DAGLB: variants seen among roughly 807,000 people sequenced by gnomAD.
DAGLB encodes the protein diacylglycerol lipase beta.
DAGLB carries 66 observed loss-of-function variants against 72.1 expected under a neutral mutation model. The observed-to-expected ratio is 0.92, with a 90% CI of 0.75 to 1.12. The LOEUF is 1.12. Ranked by LOEUF, DAGLB falls within the 50% of genes most tolerant of loss-of-function variation. The probability of loss-of-function intolerance (pLI) is 0.00; values close to 1 mark genes in which losing one functional copy is unlikely to be tolerated. For synonymous variants in DAGLB, 414 were observed against 359.5 expected (o/e 1.15, Z -1.71); for missense variants, 1,065 against 884.9 (o/e 1.20, Z -2.58).
At chr7:6,412,709 T>C (rs774218899) in intron 13 of DAGLB, 102 bp downstream of exon 13, 119 of 1,307,786 alleles carry the variant, frequency 9.1e-5, no homozygotes, top group Admixed American at 3.2e-4. Context: ...AGCAACAGCA[T>C]AGAGTGCCCT....
chr7:6,435,378 G>A (rs111557594), intron 3 of DAGLB: 34 of 207,140 alleles, frequency 1.6e-4, no homozygotes, highest in African/African-American at 5.9e-4. Context: ...CCCAGCTTCT[G>A]AGGAGGCTGA....
At chr7:6,414,758 T>C (rs1783847395) in intron 11 of DAGLB, among the ~76,000 whole-genome samples, 1 of 152,140 alleles carries the variant, frequency 6.6e-6, no homozygotes, top group Non-Finnish European at 1.5e-5. Flanking sequence ...AGAAATACCA[T>C]TTCCTGCTAA....
At position 6,424,821 on chromosome 7, in the gene DAGLB, C is replaced by T. The variant is rs377524400; in HGVS notation, c.1071G>A (p.Pro357=). The change falls in exon 8 of 15, where the codon CCG becomes CCA. Residue 357 remains proline (P), a synonymous_variant. Coordinates refer to ENST00000297056, the MANE Select transcript of DAGLB (RefSeq NM_139179.4). ...VSFHDKVYEL[P]FLVALDHRKE... ...TCCTGTGATCCAGAGCCACTAAAAA[C>T]GGCAGCTCGTAAACCTGCAGGAGCA... 237 of 1,613,630 alleles carry T rather than the reference C, an allele frequency of 1.5e-4. No individual in the cohort carries two copies. The highest frequency in any genetic ancestry group is 1.9e-4 in the Non-Finnish European group (223 of 1,179,758).
chr7:6,412,916 C>A (rs771501898), intron 12 of DAGLB, 33 bp from the exon 13 acceptor site: 3 of 1,612,440 alleles, frequency 1.9e-6, no homozygotes, highest in Admixed American at 1.7e-5. Context: ...GAGGCTGGGA[C>A]CTGGCACTCC....
At chr7:6,442,370 T>A (rs543325735) in intron 2 of DAGLB, among the ~76,000 whole-genome samples, 15 of 150,502 alleles carry the variant, frequency 1.0e-4, no homozygotes, top group African/African-American at 3.7e-4. Context: ...GGGAACGGAG[T>A]GAATATGAGC....
At chr7:6,437,842 A>C (rs1784712622) in intron 2 of DAGLB, among the ~76,000 whole-genome samples, 1 of 152,014 alleles carries the variant, frequency 6.6e-6, no homozygotes, top group Non-Finnish European at 1.5e-5. Context: ...GGGTTTCACC[A>C]TGTTGGCCAG....
intron 2 of DAGLB, among the ~76,000 whole-genome samples, chr7:6,444,589 G>A (rs1195423570): frequency 2.0e-5 from 3 of 152,052 alleles, no homozygotes; most frequent in Non-Finnish European, 2.9e-5. Flanking sequence ...GCAGCGGAGG[G>A]AGACTCTATC....
chr7:6,417,291 G>A (rs1222684420), intron 9 of DAGLB: 3 of 176,826 alleles, frequency 1.7e-5, no homozygotes, highest in African/African-American at 7.2e-5. Flanking sequence ...GGGGCTTGGT[G>A]GCGAGCGCCT....
rs574203995 is a variant in DAGLB at position 6,431,502 on chromosome 7, T to G, written c.802-895A>C. On this transcript the variant is annotated intron_variant, in intron 5 of 14. Coordinates refer to ENST00000297056, the MANE Select transcript of DAGLB (RefSeq NM_139179.4). ...ATATGATAAATGTGGCCGGATGCAG[T>G]GGCTCACGCCTGTAATCCCAGCACT... 1.7e-3 allele frequency among the ~76,000 whole-genome samples: 256 copies of G among 152,338 alleles called. 1 individual carries two copies. Among genetic ancestry groups the G allele is most frequent in the African/African-American group, 5.8e-3 (241 of 41,582 alleles).
intron 4 of DAGLB, among the ~76,000 whole-genome samples, chr7:6,433,614 C>A (rs1261013836): frequency 6.6e-6 from 1 of 152,072 alleles, no homozygotes; most frequent in Admixed American, 6.6e-5. Flanking sequence ...CCGAGGTGGG[C>A]GGATCACCTG....
intron 2 of DAGLB, among the ~76,000 whole-genome samples, chr7:6,438,349 A>G (rs973765700): frequency 7.2e-5 from 11 of 152,176 alleles, no homozygotes. Flanking sequence ...TTAAAGTATA[A>G]AAATAATTTT....
At chr7:6,432,537 G>A (rs113487958) in intron 5 of DAGLB, among the ~76,000 whole-genome samples, 19,206 of 151,418 alleles carry the variant, frequency 0.13, 1,340 homozygotes, top group Admixed American at 0.18. Flanking sequence ...GCAGGCGCCT[G>A]TAGTCCCAGC....
chr7:6,417,017 A>T, intron 9 of DAGLB, 96 bp from the exon 10 acceptor site: 2 of 1,380,620 alleles, frequency 1.4e-6, no homozygotes, highest in Non-Finnish European at 1.0e-6. Flanking sequence ...CTGATGTGTG[A>T]GTCTCTCCTG....
At chr7:6,426,919 C>A (rs1042193304) in intron 6 of DAGLB, among the ~76,000 whole-genome samples, 1 of 152,060 alleles carries the variant, frequency 6.6e-6, no homozygotes, top group Non-Finnish European at 1.5e-5. Flanking sequence ...ACCAGTCTGG[C>A]CAACGTGCTG....
chr7:6,436,913 G>A (rs199614562), intron 2 of DAGLB, among the ~76,000 whole-genome samples: 1 of 152,092 alleles, frequency 6.6e-6, no homozygotes, highest in East Asian at 1.9e-4. Context: ...TTGGGAGGAG[G>A]CCAAGGCAGG....
chr7:6,426,347 G>A (rs966967847), intron 6 of DAGLB, among the ~76,000 whole-genome samples: 15 of 152,186 alleles, frequency 9.9e-5, no homozygotes, highest in African/African-American at 3.1e-4. Context: ...TCAGGTCACC[G>A]CAACCTCCGC....
chr7:6,433,030 T>C lies in DAGLB; in HGVS notation c.679-71A>G, dbSNP rs2272155. 8 of 1,555,738 alleles carry C rather than the reference T, an allele frequency of 5.1e-6. No homozygotes were observed. In the East Asian group the frequency reaches 1.8e-4, roughly 35 times the overall value. On this transcript the variant is annotated intron_variant, in intron 4 of 14. Coordinates refer to ENST00000297056, the MANE Select transcript of DAGLB (RefSeq NM_139179.4). ...CACCCCCGGGTTCCCTAAAATCCAGTCTTCTATAGTTGATAGGCATTCACG... is the reference window on the plus strand; with the variant it reads ...CACCCCCGGGTTCCCTAAAATCCAGCCTTCTATAGTTGATAGGCATTCACG...
chr7:6,410,169 C>A lies in DAGLB; in HGVS notation c.1781G>T (p.Gly594Val). 1 of 1,584,738 alleles carries A rather than the reference C, an allele frequency of 6.3e-7. No individual in the cohort carries two copies. Among genetic ancestry groups the A allele is most frequent in the South Asian group, 1.1e-5 (1 of 87,728 alleles). The part of the protein sequence containing the change: ...SPKYPPLYPP[G>V]RIIHLQEEGA... ...CTCCTCCTGCAGGTGGATGATCCTGCCGGGAGGGTAGAGAGGGGGGTACTT... is the reference window on the plus strand; with the variant it reads ...CTCCTCCTGCAGGTGGATGATCCTGACGGGAGGGTAGAGAGGGGGGTACTT... Residue 594 changes from glycine to valine, a missense_variant, in exon 14 of 15, where the codon GGC (glycine) becomes GTC (valine). Transcript: ENST00000297056.
intron 2 of DAGLB, among the ~76,000 whole-genome samples, chr7:6,437,155 A>AAAT (rs36026233): frequency 0.15 from 18,298 of 125,298 alleles, 1,540 homozygotes; most frequent in African/African-American, 0.23. Flanking sequence ...CTCCGTCTCA[A>AAAT]AATAATAATA....
Sources: gnomAD v4.1 joint callset for allele counts (sites outside exome capture counted in the v4.1 genomes callset) on GRCh38, gnomAD v4.1.1 for gene constraint, MANE v1.5 for transcripts, NCBI Gene and HGNC (gene_info 2026-07-23, HGNC 2026-07-21) for gene names.